The following CFAP206 variants were observed in gnomAD, a reference collection of about 807,000 sequenced individuals.
CFAP206 encodes cilia- and flagella-associated protein 206.
In CFAP206, 53 loss-of-function variants were observed where a neutral mutation model predicts 65.4. That is an observed-to-expected ratio of 0.81 (90% CI 0.65 to 1.02). The LOEUF is 1.02. Among genes scored for constraint, CFAP206 ranks in the 50% least tolerant of loss-of-function variants. The probability of loss-of-function intolerance (pLI) is 0.00; values close to 1 mark genes in which losing one functional copy is unlikely to be tolerated. For missense variants in CFAP206, 663 were observed against 753.2 expected (o/e 0.88, Z 1.40); for synonymous variants, 250 against 254.4 (o/e 0.98, Z 0.17).
chr6:87,414,002 T>G, intron 4 of CFAP206, 102 bp downstream of exon 4: 3 of 531,142 alleles, frequency 5.6e-6, no homozygotes, highest in Non-Finnish European at 6.1e-6. Flanking sequence ...TTTAATCAAT[T>G]TAACAATTTA....
rs770991774 is a variant in CFAP206 at position 87,415,772 on chromosome 6, AAAG to A, written c.376_378del (p.Glu126del). On this transcript the variant is annotated inframe_deletion, in exon 5 of 13. Coordinates refer to ENST00000369562, the MANE Select transcript of CFAP206 (RefSeq NM_001031743.3). ...AATTACAGATAACAGAGCATGTGCT[AAAG>A]AAGAATTGGAAAGCCTCTACCGGAA... 3.1e-6 allele frequency: 5 copies of A among 1,613,600 alleles called. No homozygotes were observed. Among genetic ancestry groups the A allele is most frequent in the Non-Finnish European group, 4.2e-6 (5 of 1,179,778 alleles).
rs984313228 is a variant in CFAP206, at chr6:87,444,114, CAA to C, written c.1494+9062_1494+9063del. On this transcript the variant is annotated intron_variant, in intron 11 of 12. Coordinates refer to ENST00000369562, the MANE Select transcript of CFAP206 (RefSeq NM_001031743.3). ...TTGATATCTAATTTTTAAAAAGAAT[CAA>C]GAGACTTTTAAAATTTGTTTTGAAT... 4.6e-5 allele frequency among the ~76,000 whole-genome samples: 7 copies of C among 152,088 alleles called. No individual in the cohort carries two copies. In the South Asian group the frequency reaches 6.2e-4, roughly 13 times the overall value.
At chr6:87,455,282 T>C (rs1204524642) in intron 11 of CFAP206, among the ~76,000 whole-genome samples, 1 of 152,134 alleles carries the variant, frequency 6.6e-6, no homozygotes. Context: ...TAATGACCAG[T>C]GGGTCAACAG....
At position 87,457,683 on chromosome 6, in the gene CFAP206, CTT is replaced by C. The variant is rs556625312; in HGVS notation, c.1495-3338_1495-3337del. ...GAATCAAATCAAAGTGGATTAAAGA[CTT>C]AAATCTGAGACCTCAAACTATGAAA... On this transcript the variant is annotated intron_variant, in intron 11 of 12. Coordinates refer to ENST00000369562, the MANE Select transcript of CFAP206 (RefSeq NM_001031743.3). 3.6e-3 allele frequency among the ~76,000 whole-genome samples: 549 copies of C among 152,302 alleles called. 3 individuals are homozygous for C. Among genetic ancestry groups the C allele is most frequent in the Non-Finnish European group, 3.9e-3 (265 of 68,014 alleles).
intron 10 of CFAP206, among the ~76,000 whole-genome samples, chr6:87,432,593 G>A (rs1288772282): frequency 2.6e-5 from 4 of 152,150 alleles, no homozygotes; most frequent in Non-Finnish European, 5.9e-5. Flanking sequence ...CTAGGGTTCA[G>A]AAGAGCCTGG....
chr6:87,438,469 A>AAAG, intron 11 of CFAP206, among the ~76,000 whole-genome samples: 1 of 151,786 alleles, frequency 6.6e-6, no homozygotes, highest in African/African-American at 2.4e-5. Context: ...TCAAAAAAAA[A>AAAG]AAAAAAAAAA....
intron 7 of CFAP206, 104 bp from the exon 8 acceptor site, chr6:87,426,422 G>A (rs1423264145): frequency 6.4e-6 from 5 of 780,516 alleles, no homozygotes; most frequent in Non-Finnish European, 9.4e-6. Context: ...TGCTGTCATT[G>A]AGCCTACTTT....
At chr6:87,433,893 A>T (rs1023725584) in intron 10 of CFAP206, among the ~76,000 whole-genome samples, 4 of 152,014 alleles carry the variant, frequency 2.6e-5, no homozygotes, top group Non-Finnish European at 5.9e-5. Context: ...TGAGGTCAGG[A>T]GTTCAAGACC....
intron 11 of CFAP206, among the ~76,000 whole-genome samples, chr6:87,447,437 G>A (rs544044973): frequency 6.6e-6 from 1 of 152,212 alleles, no homozygotes; most frequent in East Asian, 1.9e-4. Context: ...AGATAATCAT[G>A]TGGTTTTTGT....
rs1457039341 is a variant in CFAP206 at position 87,413,929 on chromosome 6, A to G, written c.283+29A>G. On this transcript the variant is annotated intron_variant, in intron 4 of 12. Transcript: ENST00000369562. ...ATGTATACTACCTATTTTTATACTTAAAAAATTTCATACTGTGTTTCAGCT... is the reference window on the plus strand; with the variant it reads ...ATGTATACTACCTATTTTTATACTTGAAAAATTTCATACTGTGTTTCAGCT... 2.0e-5 allele frequency: 23 copies of G among 1,153,088 alleles called. No homozygotes were observed. The Middle Eastern group carries it at 8.3e-4, about 41-fold the overall frequency. The allele number at this position is 1,153,088 out of a possible 1,614,324, so 71.4% of individuals were successfully genotyped here.
At chr6:87,426,792 G>GT (rs1173114891) in intron 8 of CFAP206, 147 bp downstream of exon 8, 3 of 649,272 alleles carry the variant, frequency 4.6e-6, no homozygotes, top group Non-Finnish European at 6.7e-6. Flanking sequence ...TTACTTTGCC[G>GT]TAATAGTGTG....
At chr6:87,424,283 T>A (rs183168974) in intron 7 of CFAP206, among the ~76,000 whole-genome samples, 69 of 152,314 alleles carry the variant, frequency 4.5e-4, no homozygotes, top group East Asian at 3.5e-3. Flanking sequence ...TATAATTATT[T>A]TTTTTTATTT....
At chr6:87,435,801 A>C (rs931506516) in intron 11 of CFAP206, 1 of 152,290 alleles carries the variant, frequency 6.6e-6, no homozygotes, top group Non-Finnish European at 1.5e-5. Flanking sequence ...CTGGGACTAC[A>C]GGCAGGTGCC....
rs758369739 is a variant in CFAP206 at position 87,464,110 on chromosome 6, G to C, written c.1729G>C (p.Asp577His). Residue 577 changes from aspartate to histidine, a missense_variant, in exon 13 of 13, where the codon GAC becomes CAC. Transcript: ENST00000369562. ...ENCSQVYPPK[D>H]TSTQSMREDS... Reference sequence around the variant, plus strand: ...TTGTTCCCAAGTGTACCCTCCAAAGGACACTAGCACCCAGTCCATGAGGGA... The same window carrying C: ...TTGTTCCCAAGTGTACCCTCCAAAGCACACTAGCACCCAGTCCATGAGGGA... The C allele has an allele frequency of 1.2e-6, 2 of 1,614,018 alleles. No homozygotes were observed. Among genetic ancestry groups the C allele is most frequent in the Non-Finnish European group, 1.7e-6 (2 of 1,180,008 alleles).
chr6:87,455,052 A>T (rs1270261575), intron 11 of CFAP206, among the ~76,000 whole-genome samples: 1 of 151,582 alleles, frequency 6.6e-6, no homozygotes, highest in East Asian at 2.0e-4. Context: ...CCTCCCAAGT[A>T]GCTGGGATTA....
At chr6:87,444,211 C>T (rs1215596678) in intron 11 of CFAP206, among the ~76,000 whole-genome samples, 1 of 152,060 alleles carries the variant, frequency 6.6e-6, no homozygotes, top group Non-Finnish European at 1.5e-5. Context: ...AATGGATACG[C>T]TAATGGCAAA....
intron 11 of CFAP206, among the ~76,000 whole-genome samples, chr6:87,438,145 TAGG>T (rs1768304900): frequency 6.6e-6 from 1 of 152,026 alleles, no homozygotes. Flanking sequence ...AGGGAAAAAT[TAGG>T]AGGATTACAT....
chr6:87,408,851 T>A (rs1767675750), intron 1 of CFAP206: 2 of 152,240 alleles, frequency 1.3e-5, no homozygotes, highest in Non-Finnish European at 2.9e-5. Context: ...AAATGCCTAG[T>A]GCTTCGTACT....
At chr6:87,450,564 C>A in intron 11 of CFAP206, among the ~76,000 whole-genome samples, 2 of 102,116 alleles carry the variant, frequency 2.0e-5, no homozygotes, top group South Asian at 6.4e-4. Context: ...CTCAAAGCTA[C>A]TTATGGCAAA....
Sources: gnomAD v4.1 joint callset for allele counts (sites outside exome capture counted in the v4.1 genomes callset) on GRCh38, gnomAD v4.1.1 for gene constraint, MANE v1.5 for transcripts, NCBI Gene and HGNC (gene_info 2026-07-23, HGNC 2026-07-21) for gene names.